Variants in TCF7L1 observed in about 807,000 individuals in gnomAD.
TCF7L1 encodes transcription factor 7-like 1.
A neutral mutation model predicts 63.7 loss-of-function variants in TCF7L1; 18 were observed. That is an observed-to-expected ratio of 0.28 (90% CI 0.20 to 0.42). TCF7L1 has a LOEUF of 0.42. TCF7L1 is among the 10% of genes least tolerant of loss of function. The pLI is 1.00. For synonymous variants in TCF7L1, 355 were observed against 340.9 expected, an observed-to-expected ratio of 1.04 and a Z score of -0.46; for missense variants, 654 against 779.3, an observed-to-expected ratio of 0.84 and a Z score of 1.91.
chr2:85,140,436 G>A (rs1377532077), intron 3 of TCF7L1, among the ~76,000 whole-genome samples: 1 of 151,564 alleles, frequency 6.6e-6, no homozygotes, highest in Non-Finnish European at 1.5e-5. Flanking sequence ...GGAGCATTGG[G>A]TAAGGTAGGA....
intron 10 of TCF7L1, 34 bp from the exon 11 acceptor site, chr2:85,307,608 C>A: frequency 1.9e-6 from 3 of 1,602,226 alleles, no homozygotes; most frequent in Non-Finnish European, 2.6e-6. Flanking sequence ...TTCTTCTCTC[C>A]CAGCTTACCT....
chr2:85,294,558 T>C (rs753816532), intron 4 of TCF7L1, among the ~76,000 whole-genome samples: 2 of 152,166 alleles, frequency 1.3e-5, no homozygotes, highest in Non-Finnish European at 2.9e-5. Context: ...GTTTTAGCAT[T>C]GCAAATTGGG....
At chr2:85,155,886 C>T (rs1474960340) in intron 3 of TCF7L1, among the ~76,000 whole-genome samples, 1 of 152,272 alleles carries the variant, frequency 6.6e-6, no homozygotes, top group Non-Finnish European at 1.5e-5. Flanking sequence ...AAATCAGATG[C>T]CCCTTTGTAC....
intron 3 of TCF7L1, among the ~76,000 whole-genome samples, chr2:85,251,542 A>C (rs556901047): frequency 6.6e-6 from 1 of 152,216 alleles, no homozygotes; most frequent in African/African-American, 2.4e-5. Flanking sequence ...TTAGAACCCA[A>C]GTCTCTGGGC....
intron 3 of TCF7L1, among the ~76,000 whole-genome samples, chr2:85,237,382 C>A (rs1463686234): frequency 6.6e-6 from 1 of 152,050 alleles, no homozygotes; most frequent in Non-Finnish European, 1.5e-5. Context: ...CCTGGTGACT[C>A]CGAGGTCTGC....
At chr2:85,241,431 G>GTTTTTTTTTTTTTTTTTTTTT (rs1273488175) in intron 3 of TCF7L1, among the ~76,000 whole-genome samples, 1 of 68,782 alleles carries the variant, frequency 1.5e-5, no homozygotes, top group African/African-American at 5.2e-5. Flanking sequence ...GATGCACTTT[G>GTTTTTTTTTTTTTTTTTTTTT]TTTTTGTTTT....
intron 3 of TCF7L1, among the ~76,000 whole-genome samples, chr2:85,229,071 GC>G (rs1165536518): frequency 6.6e-6 from 1 of 150,916 alleles, no homozygotes; most frequent in Non-Finnish European, 1.5e-5. Flanking sequence ...CTTGGGCCAG[GC>G]GCGGTGGCTC....
intron 4 of TCF7L1, among the ~76,000 whole-genome samples, chr2:85,301,099 A>G (rs886420082): frequency 1.3e-5 from 2 of 152,208 alleles, no homozygotes; most frequent in African/African-American, 4.8e-5. Flanking sequence ...TTTTAAAAAG[A>G]AATCTCTTCT....
chr2:85,293,908 C>T (rs919419069), intron 4 of TCF7L1, among the ~76,000 whole-genome samples: 7 of 151,994 alleles, frequency 4.6e-5, no homozygotes, highest in East Asian at 1.9e-4. Flanking sequence ...CCTTATCATC[C>T]GGTTGGTGGG....
rs548598568 is a variant in TCF7L1 at position 85,192,402 on chromosome 2, A to T, written c.441+57952A>T. Among the ~76,000 whole-genome samples, 31 of 151,332 alleles carry T rather than the reference A, an allele frequency of 2.0e-4. No homozygotes were observed. The Middle Eastern group carries it at 0.01, about 50-fold the overall frequency. On this transcript the variant is annotated intron_variant, in intron 3 of 11. Coordinates refer to ENST00000282111, the MANE Select transcript of TCF7L1 (RefSeq NM_031283.3). ...AGAGCTCTAATTTTATTTTTTTTTT[A>T]TTTATTTTTTTGAGACAGAGTCCCG...
intron 6 of TCF7L1, 117 bp from the exon 7 acceptor site, chr2:85,304,138 C>A: frequency 7.9e-7 from 1 of 1,267,596 alleles, no homozygotes; most frequent in Non-Finnish European, 1.1e-6. Flanking sequence ...AGGCAGCGTG[C>A]TCCCAGCATT....
intron 4 of TCF7L1, among the ~76,000 whole-genome samples, chr2:85,288,304 C>T (rs914800400): frequency 6.6e-6 from 1 of 152,020 alleles, no homozygotes; most frequent in Non-Finnish European, 1.5e-5. Context: ...TTTAAGCTCC[C>T]CAGGAGATTC....
chr2:85,250,637 A>G (rs938692282), intron 3 of TCF7L1, among the ~76,000 whole-genome samples: 17 of 152,106 alleles, frequency 1.1e-4, no homozygotes, highest in South Asian at 6.2e-4. Context: ...GGGTTTCGCC[A>G]TGTTGGCCAG....
At chr2:85,295,223 C>G (rs186607208) in intron 4 of TCF7L1, among the ~76,000 whole-genome samples, 1 of 151,944 alleles carries the variant, frequency 6.6e-6, no homozygotes, top group Non-Finnish European at 1.5e-5. Context: ...TTTTTTGAGA[C>G]GGAGTATTGC....
intron 3 of TCF7L1, among the ~76,000 whole-genome samples, chr2:85,271,444 T>G (rs1329674985): frequency 6.6e-6 from 1 of 152,206 alleles, no homozygotes; most frequent in Non-Finnish European, 1.5e-5. Flanking sequence ...CATAATAATA[T>G]CTGCTTTACC....
At position 85,303,877 on chromosome 2, in the gene TCF7L1, A is replaced by C. The variant is rs898716887; in HGVS notation, c.659-18A>C. On this transcript the variant is annotated intron_variant, in intron 5 of 11. Transcript: ENST00000282111. ...GCAGGGCGAGGGAACAGTCTGACAT[A>C]TCTCTCTTTGGAAGCAGGAATCCCC... 3 of 1,584,360 alleles carry C rather than the reference A, an allele frequency of 1.9e-6. No individual in the cohort carries two copies. Among genetic ancestry groups the C allele is most frequent in the East Asian group, 2.2e-5 (1 of 44,660 alleles).
chr2:85,216,254 G>A (rs189952748), intron 3 of TCF7L1, among the ~76,000 whole-genome samples: 28 of 152,212 alleles, frequency 1.8e-4, no homozygotes, highest in Admixed American at 7.2e-4. Flanking sequence ...CCGTGGCTCC[G>A]GGCAGCTTTT....
chr2:85,293,306 G>A (rs1681769531), intron 4 of TCF7L1, among the ~76,000 whole-genome samples: 2 of 152,088 alleles, frequency 1.3e-5, no homozygotes, highest in Admixed American at 6.6e-5. Context: ...CCATCTCCTG[G>A]TGCCATTCTT....
chr2:85,144,636 C>A (rs887597405), intron 3 of TCF7L1, among the ~76,000 whole-genome samples: 1 of 151,640 alleles, frequency 6.6e-6, no homozygotes, highest in South Asian at 2.1e-4. Context: ...TAAAGAAATA[C>A]ATACTAAACA....
Sources: allele counts gnomAD v4.1 joint callset (sites outside exome capture counted in the v4.1 genomes callset), GRCh38; gene constraint gnomAD v4.1.1; transcripts MANE v1.5; gene names NCBI Gene and HGNC (gene_info 2026-07-23, HGNC 2026-07-21).